The following RERE variants were observed in gnomAD, a reference collection of about 807,000 sequenced individuals.
RERE encodes arginine-glutamic acid dipeptide repeats, also known as arginine-glutamic acid dipeptide repeats protein.
RERE carries 40 observed loss-of-function variants against 146.1 expected under a neutral mutation model. That is an observed-to-expected ratio of 0.27 (90% CI 0.21 to 0.36). The LOEUF is 0.36. RERE is among the 10% of genes least tolerant of loss of function. The pLI is 1.00. For synonymous variants in RERE, 1,003 were observed against 866.0 expected (o/e 1.16, Z -2.78); for missense variants, 1,933 against 2,138.7 (o/e 0.90, Z 1.90).
chr1:8,590,228 T>A, intron 4 of RERE, among the ~76,000 whole-genome samples: 1 of 151,308 alleles, frequency 6.6e-6, no homozygotes. Context: ...TCTTAGAAAA[T>A]GACTAAGAAG....
At chr1:8,516,413 A>C (rs887395738) in intron 7 of RERE, among the ~76,000 whole-genome samples, 12 of 152,060 alleles carry the variant, frequency 7.9e-5, no homozygotes, top group Non-Finnish European at 4.4e-5. Flanking sequence ...TAATTTTAAC[A>C]TTAATAAAGC....
chr1:8,525,613 C>T, intron 7 of RERE: 2 of 811,920 alleles, frequency 2.5e-6, no homozygotes, highest in Non-Finnish European at 3.7e-6. Flanking sequence ...CTTCACAATA[C>T]CACCTACATG....
intron 7 of RERE, among the ~76,000 whole-genome samples, chr1:8,522,868 C>T (rs1358069003): frequency 5.5e-5 from 8 of 145,384 alleles, no homozygotes; most frequent in Non-Finnish European, 9.0e-5. Context: ...AGCGAGACTC[C>T]GTCTCAAAAA....
chr1:8,786,503 T>G, intron 1 of RERE: 1 of 844,050 alleles, frequency 1.2e-6, no homozygotes, highest in Non-Finnish European at 2.0e-6. Context: ...GACTTCAGAT[T>G]TGGGTTCCCC....
rs111777893 is a variant in RERE, at chr1:8,466,415, G to A, written c.1105-392C>T. ...AATCTACGGTTTAGGAGCTATCATCGCCCTACTTCACAGATGAGGAAACTG... is the reference window on the plus strand; with the variant it reads ...AATCTACGGTTTAGGAGCTATCATCACCCTACTTCACAGATGAGGAAACTG... On this transcript the variant is annotated intron_variant, in intron 10 of 22. Transcript: ENST00000400908. 7.4e-3 allele frequency among the ~76,000 whole-genome samples: 1,122 copies of A among 151,832 alleles called. 15 individuals are homozygous for A. The highest frequency in any genetic ancestry group is 0.026 in the African/African-American group (1,059 of 41,352).
intron 4 of RERE, among the ~76,000 whole-genome samples, chr1:8,557,744 G>A (rs1346646962): frequency 6.6e-6 from 1 of 152,090 alleles, no homozygotes; most frequent in Non-Finnish European, 1.5e-5. Flanking sequence ...CCTCTAAACT[G>A]CTTATTTCAG....
chr1:8,409,443 T>C (rs1643551828), intron 12 of RERE, among the ~76,000 whole-genome samples: 1 of 152,218 alleles, frequency 6.6e-6, no homozygotes, highest in African/African-American at 2.4e-5. Flanking sequence ...TGAGCAGCAC[T>C]GTTTTGGGGA....
At chr1:8,582,375 CTT>C (rs953429620) in intron 4 of RERE, among the ~76,000 whole-genome samples, 3 of 136,534 alleles carry the variant, frequency 2.2e-5, no homozygotes, top group Non-Finnish European at 1.6e-5. Context: ...ACTGTGCCTG[CTT>C]TTTTTTTTTT....
intron 9 of RERE, among the ~76,000 whole-genome samples, chr1:8,495,899 G>C (rs1311227707): frequency 2.0e-5 from 3 of 152,098 alleles, no homozygotes; most frequent in African/African-American, 7.2e-5. Context: ...TCATGGCTGG[G>C]TGTGATGGCT....
In RERE at chr1:8,358,321, C is replaced by T. The variant is rs767001616; in HGVS notation, c.4214G>A (p.Arg1405His). ...RLAAERIHAE[R>H]MASLTSDPLA... Reference sequence around the variant, plus strand: ...GGGATCGCTGGTCAGCGATGCCATGCGCTCTGCGTGGATACGCTCGGCTGC... The same window carrying T: ...GGGATCGCTGGTCAGCGATGCCATGTGCTCTGCGTGGATACGCTCGGCTGC... Residue 1405 changes from arginine to histidine, a missense_variant, in exon 20 of 23, where the codon CGC (arginine) becomes CAC (histidine). Transcript: ENST00000400908. 2.3e-5 allele frequency: 37 copies of T among 1,613,394 alleles called. No individual in the cohort carries two copies. Among genetic ancestry groups the T allele is most frequent in the Admixed American group, 2.2e-4 (13 of 59,988 alleles).
At chr1:8,564,692 G>A (rs1344115883) in intron 4 of RERE, among the ~76,000 whole-genome samples, 1 of 152,106 alleles carries the variant, frequency 6.6e-6, no homozygotes. Flanking sequence ...AAATCAGTTT[G>A]TCAAAGAGAA....
intron 2 of RERE, among the ~76,000 whole-genome samples, chr1:8,635,782 T>A (rs753847432): frequency 1.1e-4 from 17 of 152,034 alleles, no homozygotes; most frequent in Non-Finnish European, 2.2e-4. Flanking sequence ...AGAATCATAA[T>A]CTCATAAAAA....
chr1:8,637,605 C>T (rs1258493034), intron 2 of RERE, among the ~76,000 whole-genome samples: 2 of 152,166 alleles, frequency 1.3e-5, no homozygotes, highest in African/African-American at 4.8e-5. Flanking sequence ...CACAGCTCTA[C>T]CTCCTTTCCA....
chr1:8,645,965 C>T (rs1397746808), intron 2 of RERE, among the ~76,000 whole-genome samples: 2 of 152,150 alleles, frequency 1.3e-5, no homozygotes, highest in Non-Finnish European at 2.9e-5. Context: ...TAATCCATAA[C>T]TAAAAGTTCA....
intron 12 of RERE, chr1:8,380,797 G>A: frequency 2.2e-6 from 1 of 456,646 alleles, no homozygotes; most frequent in Non-Finnish European, 4.4e-6. Context: ...TAGCCCAGGA[G>A]CCCCTCTGCT....
At chr1:8,536,921 C>T (rs1011792703) in intron 7 of RERE, among the ~76,000 whole-genome samples, 2 of 152,082 alleles carry the variant, frequency 1.3e-5, no homozygotes, top group South Asian at 2.1e-4. Flanking sequence ...GTTTTGTTCC[C>T]GCTGAGTGGA....
At chr1:8,392,376 A>G (rs1379908813) in intron 12 of RERE, among the ~76,000 whole-genome samples, 1 of 152,374 alleles carries the variant, frequency 6.6e-6, no homozygotes, top group East Asian at 1.9e-4. Flanking sequence ...TTATGCTTAT[A>G]TTTTTACCTA....
At chr1:8,410,595 T>C (rs1253932597) in intron 12 of RERE, among the ~76,000 whole-genome samples, 1 of 152,200 alleles carries the variant, frequency 6.6e-6, no homozygotes, top group Non-Finnish European at 1.5e-5. Context: ...TCTGCAGGAA[T>C]GCTGTAGAAG....
chr1:8,494,648 G>A (rs979233984), intron 10 of RERE, among the ~76,000 whole-genome samples: 14 of 152,138 alleles, frequency 9.2e-5, no homozygotes, highest in Non-Finnish European at 2.9e-5. Context: ...GTGTGAAGCC[G>A]GGAAGCGGAG....
Sources: gnomAD v4.1 joint callset for allele counts (sites outside exome capture counted in the v4.1 genomes callset) on GRCh38, gnomAD v4.1.1 for gene constraint, MANE v1.5 for transcripts, NCBI Gene and HGNC (gene_info 2026-07-23, HGNC 2026-07-21) for gene names.